Variants in EBF2 observed in about 807,000 individuals in gnomAD.
EBF2 encodes EBF transcription factor 2, also known as transcription factor COE2.
A neutral mutation model predicts 72.8 loss-of-function variants in EBF2; 21 were observed. That is an observed-to-expected ratio of 0.29 (90% CI 0.20 to 0.42). The LOEUF is 0.42. EBF2 is among the 10% of genes least tolerant of loss of function. The pLI is 1.00. For synonymous variants in EBF2, 299 were observed against 274.2 expected (o/e 1.09, Z -0.89); for missense variants, 637 against 731.2 (o/e 0.87, Z 1.49).
intron 6 of EBF2, among the ~76,000 whole-genome samples, chr8:25,934,741 G>A (rs1803545458): frequency 6.6e-6 from 1 of 152,192 alleles, no homozygotes; most frequent in Non-Finnish European, 1.5e-5. Context: ...CACTTCAGAG[G>A]TGCCTTAGAG....
intron 15 of EBF2, among the ~76,000 whole-genome samples, chr8:25,848,871 A>C (rs1308181612): frequency 6.6e-6 from 1 of 152,212 alleles, no homozygotes; most frequent in East Asian, 1.9e-4. Context: ...GAATAAAACC[A>C]GAGAACTTAA....
chr8:25,980,988 C>T lies in EBF2; in HGVS notation c.551+52097G>A, dbSNP rs1804353318. On this transcript the variant is annotated intron_variant, in intron 6 of 15. Coordinates refer to ENST00000520164, the MANE Select transcript of EBF2 (RefSeq NM_022659.4). Reference sequence around the variant, plus strand: ...TGGTAGAAAGTCCATGAACAGAGAACTTCAACTACCACACAGTTTTGGTTC... The same window carrying T: ...TGGTAGAAAGTCCATGAACAGAGAATTTCAACTACCACACAGTTTTGGTTC... Among the ~76,000 whole-genome samples, 3 of 151,972 alleles carry T rather than the reference C, an allele frequency of 2.0e-5. No homozygotes were observed. In the South Asian group the frequency reaches 6.2e-4, roughly 32 times the overall value.
chr8:25,956,055 T>C (rs987651173), intron 6 of EBF2, among the ~76,000 whole-genome samples: 2 of 152,118 alleles, frequency 1.3e-5, no homozygotes, highest in Non-Finnish European at 2.9e-5. Context: ...CCCCCAAATA[T>C]GTGTGGTACC....
At chr8:25,868,340 A>C (rs1163959002) in intron 10 of EBF2, among the ~76,000 whole-genome samples, 1 of 152,174 alleles carries the variant, frequency 6.6e-6, no homozygotes, top group African/African-American at 2.4e-5. Context: ...GCAATGCTTT[A>C]ATGTCTTATT....
chr8:25,873,117 C>A (rs1051131788), intron 10 of EBF2, among the ~76,000 whole-genome samples: 1 of 152,152 alleles, frequency 6.6e-6, no homozygotes, highest in African/African-American at 2.4e-5. Context: ...GCAAAGGCTA[C>A]GTTAAATTCA....
At chr8:25,926,421 C>A (rs1042981920) in intron 6 of EBF2, among the ~76,000 whole-genome samples, 2 of 152,118 alleles carry the variant, frequency 1.3e-5, no homozygotes, top group African/African-American at 4.8e-5. Flanking sequence ...TAAACTATTG[C>A]TTAGATGAGA....
chr8:26,005,115 CTT>C (rs1430148258), intron 6 of EBF2, among the ~76,000 whole-genome samples: 1 of 145,222 alleles, frequency 6.9e-6, no homozygotes, highest in Admixed American at 7.5e-5. Flanking sequence ...AGAATTTTCT[CTT>C]GTCTATTGTG....
chr8:25,978,485 T>C (rs887843140), intron 6 of EBF2, among the ~76,000 whole-genome samples: 7 of 152,010 alleles, frequency 4.6e-5, no homozygotes, highest in Non-Finnish European at 5.9e-5. Context: ...GCGACCGAGA[T>C]GGTCATCCTG....
intron 6 of EBF2, among the ~76,000 whole-genome samples, chr8:25,989,579 G>A (rs549931584): frequency 6.6e-5 from 10 of 152,192 alleles, no homozygotes; most frequent in African/African-American, 1.2e-4. Flanking sequence ...TGCCGGAGGC[G>A]CTTGGGAATC....
chr8:26,038,885 G>A (rs928315589), intron 5 of EBF2, among the ~76,000 whole-genome samples: 6 of 152,156 alleles, frequency 3.9e-5, no homozygotes, highest in Non-Finnish European at 8.8e-5. Context: ...AGGGCTTCAG[G>A]GAGCTGCCCG....
intron 6 of EBF2, among the ~76,000 whole-genome samples, chr8:25,975,164 C>T (rs192044810): frequency 6.6e-6 from 1 of 152,230 alleles, no homozygotes; most frequent in East Asian, 1.9e-4. Flanking sequence ...GCCTGTTAAC[C>T]CAGGAACTAC....
chr8:25,916,433 T>A (rs990317948), intron 6 of EBF2, among the ~76,000 whole-genome samples: 1 of 152,138 alleles, frequency 6.6e-6, no homozygotes, highest in Non-Finnish European at 1.5e-5. Context: ...TTCTTCACCT[T>A]TTGCTACACA....
chr8:25,858,606 C>CATTCTG, intron 13 of EBF2, 102 bp from the exon 14 acceptor site: 1 of 1,132,480 alleles, frequency 8.8e-7, no homozygotes, highest in Non-Finnish European at 1.2e-6. Flanking sequence ...CAGAATGTCA[C>CATTCTG]CAGCTGCCCC....
rs144534905 is a variant in EBF2 at position 25,911,425 on chromosome 8, G to A, written c.552-2870C>T. On this transcript the variant is annotated intron_variant, in intron 6 of 15. Transcript: ENST00000520164. ...CTCATGTTACAGGATGAAGAGGATC[G>A]GAAAGAGGAGTCAACATGGCAACTC... Among the ~76,000 whole-genome samples the A allele has an allele frequency of 2.8e-4, 42 of 152,280 alleles. No homozygotes were observed. The Middle Eastern group carries it at 0.014, about 49-fold the overall frequency.
At chr8:25,882,226 C>T (rs1802615288) in intron 10 of EBF2, among the ~76,000 whole-genome samples, 1 of 152,210 alleles carries the variant, frequency 6.6e-6, no homozygotes, top group Admixed American at 6.5e-5. Flanking sequence ...TGCCCGTCTG[C>T]ATGCTCCCCT....
At chr8:25,958,401 ATT>A (rs61438717) in intron 6 of EBF2, among the ~76,000 whole-genome samples, 33,723 of 150,222 alleles carry the variant, frequency 0.22, 4,728 homozygotes, top group East Asian at 0.77. Flanking sequence ...TTTCCCCGGC[ATT>A]TTTTTTTTTC....
At chr8:25,939,495 T>C (rs1803634574) in intron 6 of EBF2, among the ~76,000 whole-genome samples, 1 of 152,184 alleles carries the variant, frequency 6.6e-6, no homozygotes, top group Non-Finnish European at 1.5e-5. Context: ...AAAAAACCTT[T>C]TACAATTAAT....
intron 6 of EBF2, among the ~76,000 whole-genome samples, chr8:26,027,374 C>T (rs150509483): frequency 1.2e-3 from 177 of 152,132 alleles, no homozygotes; most frequent in African/African-American, 3.9e-3. Flanking sequence ...GGGCCAATGA[C>T]AAGCCTGGAC....
rs1469534585 is a variant in EBF2 at position 25,862,812 on chromosome 8, T to G, written c.1010-15A>C. The G allele has an allele frequency of 6.4e-7, 1 of 1,568,352 alleles. No individual in the cohort carries two copies. Among genetic ancestry groups the G allele is most frequent in the Non-Finnish European group, 8.6e-7 (1 of 1,156,202 alleles). ...TTCATTTAATGCTGAAAGAGAAAAG[T>G]CCTCTTTCTGAGTTGGTATCCTGGC... On this transcript the variant is annotated splice_polypyrimidine_tract_variant and intron_variant, in intron 10 of 15. Coordinates refer to ENST00000520164, the MANE Select transcript of EBF2 (RefSeq NM_022659.4).
Sources: gnomAD v4.1 joint callset for allele counts (sites outside exome capture counted in the v4.1 genomes callset) on GRCh38, gnomAD v4.1.1 for gene constraint, MANE v1.5 for transcripts, NCBI Gene and HGNC (gene_info 2026-07-23, HGNC 2026-07-21) for gene names.